The following SPECC1L variants were observed in gnomAD, a reference collection of about 807,000 sequenced individuals.
SPECC1L encodes cytospin-A.
SPECC1L carries 40 observed loss-of-function variants against 116.8 expected under a neutral mutation model. The ratio of observed to expected loss-of-function variants is 0.34; its 90% CI spans 0.27 to 0.45. The LOEUF (loss-of-function observed/expected upper bound fraction) is 0.45, where lower values mean the gene tolerates loss of function less well. Among genes scored for constraint, SPECC1L ranks in the 20% least tolerant of loss-of-function variants. The probability of loss-of-function intolerance (pLI) is 1.00; values close to 1 mark genes in which losing one functional copy is unlikely to be tolerated. For synonymous variants in SPECC1L, 504 were observed against 500.6 expected (o/e 1.01, Z -0.09); for missense variants, 1,110 against 1,373.6 (o/e 0.81, Z 3.03).
intron 2 of SPECC1L, among the ~76,000 whole-genome samples, chr22:24,282,029 G>A (rs914255719): frequency 4.6e-5 from 7 of 152,254 alleles, no homozygotes; most frequent in Non-Finnish European, 8.8e-5. Context: ...GGGGGAAGCC[G>A]ATGGGCCAGG....
intron 14 of SPECC1L, among the ~76,000 whole-genome samples, chr22:24,389,417 ATACTTCT>A (rs1283871995): frequency 1.4e-4 from 22 of 151,906 alleles, no homozygotes; most frequent in Admixed American, 1.3e-3. Context: ...CTGGCCAATA[ATACTTCT>A]TAGTTTGTTG....
In SPECC1L at chr22:24,338,324, A is replaced by AG. The variant is rs1200736728; in HGVS notation, c.2561-61dup. The AG allele has an allele frequency of 4.6e-5, 70 of 1,526,064 alleles. No homozygotes were observed. In the East Asian group the frequency reaches 1.6e-3, roughly 34 times the overall value. 94.5% of individuals were successfully genotyped at this position (1,526,064 alleles called of 1,614,324 possible). ...GGTAATCAGGCGAGTCCTTAAGTGG[A>AG]GACCAGTTAAGCTTCCACTGTACAG... is the stretch of plus-strand genomic sequence containing the variant. On this transcript the variant is annotated intron_variant, in intron 9 of 16. Transcript: ENST00000314328.
chr22:24,314,555 ATCT>A (rs1406190963), intron 4 of SPECC1L, among the ~76,000 whole-genome samples: 6 of 152,158 alleles, frequency 3.9e-5, no homozygotes, highest in Admixed American at 2.0e-4. Flanking sequence ...TGTCTCTTAA[ATCT>A]TCTTTTTTAA....
chr22:24,313,231 A>G (rs1281597015), intron 3 of SPECC1L, 82 bp from the exon 4 acceptor site: 1 of 1,480,736 alleles, frequency 6.8e-7, no homozygotes, highest in African/African-American at 1.4e-5. Context: ...ACTTAGTATA[A>G]AAGTCATGAG....
At chr22:24,391,471 G>A (rs1348414455) in intron 14 of SPECC1L, among the ~76,000 whole-genome samples, 1 of 152,152 alleles carries the variant, frequency 6.6e-6, no homozygotes, top group East Asian at 1.9e-4. Flanking sequence ...TGGTAGATGA[G>A]ACTACTCAGT....
chr22:24,399,164 C>T (rs567990748), intron 14 of SPECC1L, among the ~76,000 whole-genome samples: 108 of 152,324 alleles, frequency 7.1e-4, no homozygotes, highest in African/African-American at 2.5e-3. Context: ...CTCCATGAAA[C>T]GTCTCCCTCT....
At chr22:24,363,697 C>A (rs2041690498) in intron 12 of SPECC1L, among the ~76,000 whole-genome samples, 2 of 151,998 alleles carry the variant, frequency 1.3e-5, no homozygotes, top group Non-Finnish European at 2.9e-5. Flanking sequence ...TTAAAAGAAA[C>A]TACTGATTTA....
intron 1 of SPECC1L, among the ~76,000 whole-genome samples, chr22:24,274,205 C>CA (rs1443439445): frequency 6.6e-5 from 10 of 152,242 alleles, no homozygotes; most frequent in African/African-American, 1.4e-4. Flanking sequence ...ATTGTGACCT[C>CA]AGTCTTTTAC....
intron 1 of SPECC1L, among the ~76,000 whole-genome samples, chr22:24,273,101 TTC>T (rs1193543453): frequency 6.6e-6 from 1 of 152,220 alleles, no homozygotes; most frequent in African/African-American, 2.4e-5. Context: ...GTATCAAAAT[TTC>T]TGTTTCAAAG....
At chr22:24,375,966 C>CAAAAA (rs1223397123) in intron 14 of SPECC1L, among the ~76,000 whole-genome samples, 1 of 150,576 alleles carries the variant, frequency 6.6e-6, no homozygotes, top group Non-Finnish European at 1.5e-5. Flanking sequence ...AACAAACAAA[C>CAAAAA]AAACAAAAAA....
chr22:24,288,319 ACACT>A (rs1223468143), intron 2 of SPECC1L, among the ~76,000 whole-genome samples: 1 of 152,044 alleles, frequency 6.6e-6, no homozygotes, highest in Non-Finnish European at 1.5e-5. Context: ...GGCCTCTTAC[ACACT>A]CACTGTCTGT....
chr22:24,414,520 T>TA lies in SPECC1L; in HGVS notation c.3265-14_3265-13insA. On this transcript the variant is annotated splice_polypyrimidine_tract_variant and intron_variant, in intron 16 of 16. Coordinates refer to ENST00000314328, the MANE Select transcript of SPECC1L (RefSeq NM_015330.6). The stretch of plus-strand genomic sequence containing the variant: ...GACCTGCAGTTCTAACCAAGCGTCT[T>TA]CCTTGTCTGTCAGGACATTAATGAA... 1 of 1,613,120 alleles carries TA rather than the reference T, an allele frequency of 6.2e-7. No individual in the cohort carries two copies. Among genetic ancestry groups the TA allele is most frequent in the African/African-American group, 1.3e-5 (1 of 75,056 alleles).
chr22:24,297,137 T>C (rs2049282556), intron 2 of SPECC1L, among the ~76,000 whole-genome samples: 1 of 150,750 alleles, frequency 6.6e-6, no homozygotes, highest in Non-Finnish European at 1.5e-5. Context: ...AGTTTTACCA[T>C]GTTGACCAGG....
At chr22:24,310,265 G>A (rs996441602) in intron 3 of SPECC1L, among the ~76,000 whole-genome samples, 1 of 152,094 alleles carries the variant, frequency 6.6e-6, no homozygotes, top group Non-Finnish European at 1.5e-5. Flanking sequence ...GTATATATAG[G>A]CATTTAAGGC....
intron 6 of SPECC1L, among the ~76,000 whole-genome samples, chr22:24,327,609 C>G (rs563417443): frequency 6.6e-6 from 1 of 151,892 alleles, no homozygotes; most frequent in African/African-American, 2.4e-5. Flanking sequence ...TTATGTTTTC[C>G]CTAATGATAA....
intron 2 of SPECC1L, among the ~76,000 whole-genome samples, chr22:24,291,645 G>T (rs1450377486): frequency 2.0e-5 from 3 of 151,816 alleles, no homozygotes; most frequent in Non-Finnish European, 2.9e-5. Context: ...TGTAAATTAT[G>T]ATAGCTCATG....
At chr22:24,291,052 T>A (rs1208230419) in intron 2 of SPECC1L, among the ~76,000 whole-genome samples, 1 of 152,238 alleles carries the variant, frequency 6.6e-6, no homozygotes, top group Non-Finnish European at 1.5e-5. Context: ...TCTCAGTGTT[T>A]TAAGTCTGTT....
intron 11 of SPECC1L, among the ~76,000 whole-genome samples, chr22:24,360,022 C>T (rs2041612498): frequency 6.6e-6 from 1 of 152,148 alleles, no homozygotes; most frequent in Non-Finnish European, 1.5e-5. Flanking sequence ...CTTTTTTTCT[C>T]TGACCTTTGC....
intron 11 of SPECC1L, among the ~76,000 whole-genome samples, chr22:24,357,119 A>G (rs1167922870): frequency 2.0e-5 from 3 of 152,128 alleles, no homozygotes; most frequent in African/African-American, 7.2e-5. Context: ...TTATTTGTCT[A>G]ATTTCAGCAG....
Sources: gnomAD v4.1 joint callset for allele counts (sites outside exome capture counted in the v4.1 genomes callset) on GRCh38, gnomAD v4.1.1 for gene constraint, MANE v1.5 for transcripts, NCBI Gene and HGNC (gene_info 2026-07-23, HGNC 2026-07-21) for gene names.